CTPS2: variants seen among roughly 807,000 people sequenced by gnomAD.
The protein encoded by CTPS2 is CTP synthase II.
A neutral mutation model predicts 46.8 loss-of-function variants in CTPS2; 19 were observed. The ratio of observed to expected loss-of-function variants is 0.41; its 90% CI spans 0.28 to 0.60. CTPS2 has a LOEUF of 0.60. Ranked by LOEUF, CTPS2 falls within the 20% of genes least tolerant of loss-of-function variation. The pLI is 0.35. For synonymous variants in CTPS2, 151 were observed against 165.2 expected, an observed-to-expected ratio of 0.91 and a Z score of 0.66; for missense variants, 286 against 447.6, an observed-to-expected ratio of 0.64 and a Z score of 3.26.
At chrX:16,670,741 C>A (rs1286888857) in intron 10 of CTPS2, 67 bp from the exon 11 acceptor site, 3 of 736,838 alleles carry the variant, frequency 4.1e-6, no homozygotes, top group African/African-American at 4.3e-5. Flanking sequence ...TGTATTCAGC[C>A]ATTCGTGCAA....
At chrX:16,662,696 G>GTC (rs1932995348) in intron 13 of CTPS2, among the ~76,000 whole-genome samples, 1 of 89,803 alleles carries the variant, frequency 1.1e-5, no homozygotes, top group African/African-American at 3.8e-5. Flanking sequence ...TATCTCCTTA[G>GTC]TCTTTTTTTT....
chrX:16,592,476 C>A (rs1383131868), intron 17 of CTPS2, among the ~76,000 whole-genome samples: 1 of 111,763 alleles, frequency 8.9e-6, no homozygotes, highest in Non-Finnish European at 1.9e-5. Flanking sequence ...GTTTTAAGGA[C>A]CACAGCACCT....
rs890379124 is a variant in CTPS2 at position 16,638,609 on chromosome X, G to A, written c.1393+538C>T. ...CCACAGAAATTAGAATTAACCTTAT[G>A]GGGAGTGGAAAGATCAGCAAATATC... On this transcript the variant is annotated intron_variant, in intron 14 of 18. Coordinates refer to ENST00000359276, the MANE Select transcript of CTPS2 (RefSeq NM_175859.3). The A allele has an allele frequency of 4.5e-5, 7 of 154,687 alleles. No homozygotes were observed. The Admixed American group carries it at 4.8e-4, about 11-fold the overall frequency. 12.7% of individuals were successfully genotyped at this position (154,687 alleles called of 1,213,427 possible). A position where few individuals can be genotyped will look rare whatever the true frequency, so the allele number is the denominator to read the frequency against.
At chrX:16,595,880 T>A (rs1201638012) in intron 17 of CTPS2, among the ~76,000 whole-genome samples, 10 of 111,559 alleles carry the variant, frequency 9.0e-5, no homozygotes, top group Admixed American at 7.6e-4. Context: ...TTAAAAAAAA[T>A]TTTTTTTGAG....
intron 17 of CTPS2, among the ~76,000 whole-genome samples, chrX:16,603,742 A>G (rs1323453368): frequency 9.1e-6 from 1 of 110,310 alleles, no homozygotes; most frequent in African/African-American, 3.3e-5. Context: ...CTCTTTTCTA[A>G]ATTTTCTGTA....
chrX:16,671,444 T>C (rs1210994616), intron 10 of CTPS2, among the ~76,000 whole-genome samples: 2 of 107,862 alleles, frequency 1.9e-5, no homozygotes, highest in Admixed American at 2.0e-4. Flanking sequence ...TCTGGTAACA[T>C]CTTTCTAGCG....
At position 16,689,830 on chromosome X, in the gene CTPS2, T is replaced by A. The variant is rs772510089; in HGVS notation, c.721-229A>T. ...ACTATGGGAGGCCGAGGCGGGCAGA[T>A]CACCTGATGTCAGGAGTTCGAGACC... On this transcript the variant is annotated intron_variant, in intron 7 of 18. Transcript: ENST00000359276. 6.3e-5 allele frequency among the ~76,000 whole-genome samples: 7 copies of A among 111,603 alleles called. No homozygotes were observed. In the South Asian group the frequency reaches 2.6e-3, roughly 42 times the overall value.
At chrX:16,677,649 G>A (rs1402168970) in intron 10 of CTPS2, among the ~76,000 whole-genome samples, 3 of 111,678 alleles carry the variant, frequency 2.7e-5, no homozygotes, top group Non-Finnish European at 5.6e-5. Flanking sequence ...GATGAGATAG[G>A]AGGTCAGCAA....
chrX:16,633,496 A>G (rs1313457461), intron 14 of CTPS2, among the ~76,000 whole-genome samples: 1 of 111,956 alleles, frequency 8.9e-6, no homozygotes, highest in Non-Finnish European at 1.9e-5. Flanking sequence ...GCGCCCATAG[A>G]TAAAGTTTTG....
chrX:16,645,150 C>CT lies in CTPS2; in HGVS notation c.1297-5908dup, dbSNP rs60451307. 6.9e-3 allele frequency among the ~76,000 whole-genome samples: 677 copies of CT among 97,867 alleles called. 1 individual carries two copies. Among genetic ancestry groups the CT allele is most frequent in the Middle Eastern group, 0.041 (8 of 196 alleles). 85.0% of individuals were successfully genotyped at this position (97,867 alleles called of 115,157 possible). A position where few individuals can be genotyped will look rare whatever the true frequency, so the allele number is the denominator to read the frequency against. ...GGCGCCCGCCACCATGCCCGGCTAA[C>CT]TTTTTTTTTTTTTTTTGTATTTTTA... On this transcript the variant is annotated intron_variant, in intron 13 of 18. Coordinates refer to ENST00000359276, the MANE Select transcript of CTPS2 (RefSeq NM_175859.3).
intron 4 of CTPS2, among the ~76,000 whole-genome samples, chrX:16,693,823 A>G (rs1923892155): frequency 9.0e-6 from 1 of 110,808 alleles, no homozygotes; most frequent in South Asian, 3.8e-4. Flanking sequence ...TAAAACTTCA[A>G]AAAAGATTTC....
chrX:16,600,205 C>T (rs1329863996), intron 17 of CTPS2, among the ~76,000 whole-genome samples: 1 of 111,875 alleles, frequency 8.9e-6, no homozygotes, highest in Non-Finnish European at 1.9e-5. Context: ...ATAGCAATGC[C>T]TCATATAGCC....
At chrX:16,609,746 T>G in intron 16 of CTPS2, 61 bp from the exon 17 acceptor site, 1 of 1,066,203 alleles carries the variant, frequency 9.4e-7, no homozygotes, top group Non-Finnish European at 1.3e-6. Flanking sequence ...GCTTTAAAGA[T>G]CTTCTTATCT....
intron 7 of CTPS2, among the ~76,000 whole-genome samples, chrX:16,689,881 A>T (rs1923550189): frequency 9.0e-6 from 1 of 110,548 alleles, no homozygotes; most frequent in South Asian, 3.8e-4. Flanking sequence ...GTGAAACCCC[A>T]CCTGTATTAA....
intron 18 of CTPS2, among the ~76,000 whole-genome samples, chrX:16,590,119 A>C (rs1301926094): frequency 8.9e-6 from 1 of 112,834 alleles, no homozygotes; most frequent in Non-Finnish European, 1.9e-5. Context: ...CTAATAGTGC[A>C]TAATAGAGCA....
intron 8 of CTPS2, among the ~76,000 whole-genome samples, chrX:16,687,878 T>A (rs1923367437): frequency 9.0e-6 from 1 of 111,571 alleles, no homozygotes; most frequent in African/African-American, 3.3e-5. Context: ...GACTCAATGT[T>A]AAGTCTTTAA....
intron 9 of CTPS2, among the ~76,000 whole-genome samples, chrX:16,678,692 G>A (rs375432897): frequency 1.8e-5 from 2 of 110,615 alleles, no homozygotes; most frequent in East Asian, 2.8e-4. Flanking sequence ...AGACAAAGAA[G>A]AGAACGATGC....
At chrX:16,644,291 T>G (rs1276906295) in intron 13 of CTPS2, among the ~76,000 whole-genome samples, 2 of 111,087 alleles carry the variant, frequency 1.8e-5, no homozygotes, top group Non-Finnish European at 3.8e-5. Flanking sequence ...CATGCCACCA[T>G]GCCCGGCTAA....
At chrX:16,703,785 T>C (rs1924773150) in intron 1 of CTPS2, among the ~76,000 whole-genome samples, 1 of 111,666 alleles carries the variant, frequency 9.0e-6, no homozygotes, top group African/African-American at 3.3e-5. Flanking sequence ...TCTGTTGCCC[T>C]GGGTTTCCAA....
Sources: gnomAD v4.1 joint callset for allele counts (sites outside exome capture counted in the v4.1 genomes callset) on GRCh38, gnomAD v4.1.1 for gene constraint, MANE v1.5 for transcripts, NCBI Gene and HGNC (gene_info 2026-07-23, HGNC 2026-07-21) for gene names.